NXPE3: variants seen among roughly 807,000 people sequenced by gnomAD.
The protein encoded by NXPE3 is NXPE family member 3.
A neutral mutation model predicts 46.1 loss-of-function variants in NXPE3; 26 were observed. That is an observed-to-expected ratio of 0.56 (90% CI 0.41 to 0.78). NXPE3 has a LOEUF of 0.78. Among genes scored for constraint, NXPE3 ranks in the 30% least tolerant of loss-of-function variants. NXPE3 has a pLI of 0.00. For missense variants in NXPE3, 620 were observed against 686.0 expected (o/e 0.90, Z 1.07); for synonymous variants, 272 against 257.9 (o/e 1.05, Z -0.52).
intron 4 of NXPE3, among the ~76,000 whole-genome samples, chr3:101,799,723 C>T (rs1941033171): frequency 6.6e-6 from 1 of 152,150 alleles, no homozygotes; most frequent in Admixed American, 6.6e-5. Flanking sequence ...CGCATCTGGC[C>T]TACTTCATTC....
At chr3:101,805,868 A>G (rs1218267829) in intron 5 of NXPE3, among the ~76,000 whole-genome samples, 1 of 152,066 alleles carries the variant, frequency 6.6e-6, no homozygotes, top group Non-Finnish European at 1.5e-5. Flanking sequence ...TTTGTAAGAA[A>G]ATTATTATTG....
chr3:101,784,311 G>A (rs145305277), intron 3 of NXPE3, among the ~76,000 whole-genome samples: 73 of 152,242 alleles, frequency 4.8e-4, no homozygotes, highest in South Asian at 3.1e-3. Flanking sequence ...AATACAAATA[G>A]AGATCAGCAG....
At chr3:101,796,366 C>A (rs1307439842) in intron 4 of NXPE3, among the ~76,000 whole-genome samples, 1 of 152,156 alleles carries the variant, frequency 6.6e-6, no homozygotes, top group East Asian at 1.9e-4. Flanking sequence ...TTGCCCTTGT[C>A]TTTAGGAAAA....
rs1471772376 is a variant in NXPE3 at position 101,828,186 on chromosome 3, T to C, written c.*6232T>C. On this transcript the variant is annotated 3_prime_UTR_variant, in exon 8 of 8. Coordinates refer to ENST00000273347, the MANE Select transcript of NXPE3 (RefSeq NM_145037.4). ...TGACTTGACTCTTCAAACACAAAGG[T>C]ATATTTTTATTATCTGATATTTTAT... is the stretch of plus-strand genomic sequence containing the variant. 6.6e-6 allele frequency: 1 copy of C among 152,234 alleles called. No homozygotes were observed. Among genetic ancestry groups the C allele is most frequent in the African/African-American group, 2.4e-5 (1 of 41,444 alleles). 9.4% of individuals were successfully genotyped at this position (152,234 alleles called of 1,614,324 possible).
intron 4 of NXPE3, among the ~76,000 whole-genome samples, chr3:101,797,006 A>C (rs1344762676): frequency 6.6e-6 from 1 of 152,124 alleles, no homozygotes; most frequent in Non-Finnish European, 1.5e-5. Flanking sequence ...CGTAAGATGT[A>C]GTTTTCTACA....
At chr3:101,814,135 C>T (rs189966868) in intron 6 of NXPE3, among the ~76,000 whole-genome samples, 7 of 152,240 alleles carry the variant, frequency 4.6e-5, no homozygotes, top group African/African-American at 1.7e-4. Flanking sequence ...CCGAGTCTAC[C>T]GAATTAACAG....
At chr3:101,798,810 C>T (rs1187101927) in intron 4 of NXPE3, among the ~76,000 whole-genome samples, 1 of 151,994 alleles carries the variant, frequency 6.6e-6, no homozygotes, top group African/African-American at 2.4e-5. Flanking sequence ...GACAGGGTTT[C>T]ACCATGTTGC....
chr3:101,801,433 G>T lies in NXPE3; in HGVS notation c.292G>T (p.Val98Leu), dbSNP rs1316726235. Reference protein sequence around the residue: ...QVPDVGPVPFVKSTDPSSSYF... With the variant: ...QVPDVGPVPFLKSTDPSSSYF... ...TCCTGATGTGGGCCCAGTCCCCTTT[G>T]TGAAGAGCACTGACCCTTCTTCCAG... The change falls in exon 5 of 8, where the codon GTG (valine) becomes TTG (leucine). Residue 98 changes from valine (V) to leucine (L), a missense_variant. By Grantham distance (32) the Val-to-Leu change is conservative. Transcript: ENST00000273347. The T allele has an allele frequency of 6.2e-7, 1 of 1,614,182 alleles. No individual in the cohort carries two copies. The highest frequency in any genetic ancestry group is 8.5e-7 in the Non-Finnish European group (1 of 1,180,022).
At chr3:101,821,329 C>T (rs1239602503) in intron 7 of NXPE3, 75 bp from the exon 8 acceptor site, 3 of 1,285,088 alleles carry the variant, frequency 2.3e-6, no homozygotes, top group Admixed American at 2.2e-5. Context: ...TATTTGAAGC[C>T]ACTTAATAAG....
rs1376998674 is a variant in NXPE3 at position 101,821,521 on chromosome 3, C to G, written c.1247C>G (p.Thr416Ser). 5 of 1,614,188 alleles carry G rather than the reference C, an allele frequency of 3.1e-6. No individual in the cohort carries two copies. In the South Asian group the frequency reaches 5.5e-5, roughly 18 times the overall value. Residue 416 changes from threonine to serine, a missense_variant, in exon 8 of 8, where the codon ACT becomes AGT. Physicochemically the swap from Thr to Ser is moderately conservative, Grantham distance 58. This residue lies in a region of NXPE3 where 511 missense variants were observed against 528.6 expected (regional missense o/e 0.97). Transcript: ENST00000273347. ...CATGGTCCACCCATCCGCTTCACGACTGTCTTTAGCAATGAGCTCCATTAT... is the reference window on the plus strand; with the variant it reads ...CATGGTCCACCCATCCGCTTCACGAGTGTCTTTAGCAATGAGCTCCATTAT... Reference protein sequence around the residue: ...RCHGPPIRFTTVFSNELHYVA... With the variant: ...RCHGPPIRFTSVFSNELHYVA...
chr3:101,789,720 T>G (rs1243821721), intron 4 of NXPE3, among the ~76,000 whole-genome samples: 1 of 152,130 alleles, frequency 6.6e-6, no homozygotes, highest in African/African-American at 2.4e-5. Flanking sequence ...GCGACAAATT[T>G]TCACTCTGTC....
chr3:101,798,766 CCACACCCAG>C (rs1216881034), intron 4 of NXPE3, among the ~76,000 whole-genome samples: 1 of 151,728 alleles, frequency 6.6e-6, no homozygotes, highest in Non-Finnish European at 1.5e-5. Flanking sequence ...GTGTGTACCA[CCACACCCAG>C]CTAAATTTTT....
At chr3:101,789,686 C>A (rs1381045879) in intron 4 of NXPE3, among the ~76,000 whole-genome samples, 2 of 151,798 alleles carry the variant, frequency 1.3e-5, no homozygotes, top group African/African-American at 4.8e-5. Flanking sequence ...TTCTTTAACC[C>A]ATGTGTTATT....
At chr3:101,785,828 G>A (rs1281862623) in intron 4 of NXPE3, 139 bp downstream of exon 4, 9 of 703,922 alleles carry the variant, frequency 1.3e-5, no homozygotes, top group South Asian at 4.8e-5. Flanking sequence ...AAGTATTTGC[G>A]TGCTCACAAT....
rs1427863954 is a variant in NXPE3, at chr3:101,821,815, CAG to C, written c.1542_1543del (p.Val516TrpfsTer24). 2.5e-6 allele frequency: 4 copies of C among 1,614,086 alleles called. No individual in the cohort carries two copies. Among genetic ancestry groups the C allele is most frequent in the African/African-American group, 1.3e-5 (1 of 74,926 alleles). On this transcript the variant is annotated frameshift_variant, in exon 8 of 8. Coordinates refer to ENST00000273347, the MANE Select transcript of NXPE3 (RefSeq NM_145037.4). LOFTEE classifies it high-confidence loss of function. ...GACACCATCCTTCGGAGGATGTTCT[CAG>C]GGGTTGGAGTATATCTCGTCGATGC...
At chr3:101,794,428 A>AT (rs1447500780) in intron 4 of NXPE3, among the ~76,000 whole-genome samples, 11 of 152,198 alleles carry the variant, frequency 7.2e-5, no homozygotes, top group African/African-American at 2.7e-4. Context: ...AGGGTAGGAC[A>AT]TTCAGGGAGT....
intron 4 of NXPE3, among the ~76,000 whole-genome samples, chr3:101,786,834 A>G (rs1940213241): frequency 6.6e-6 from 1 of 152,194 alleles, no homozygotes; most frequent in African/African-American, 2.4e-5. Flanking sequence ...ACAATTGAGT[A>G]GCATTAAGTA....
intron 4 of NXPE3, among the ~76,000 whole-genome samples, chr3:101,798,041 A>G (rs1940935528): frequency 7.9e-6 from 1 of 126,906 alleles, no homozygotes; most frequent in Non-Finnish European, 1.6e-5. Context: ...AGTCCCACCA[A>G]CAGTGTAAAA....
rs1189977499 is a variant in NXPE3 at position 101,827,811 on chromosome 3, C to T, written c.*5857C>T. Among the ~76,000 whole-genome samples the T allele has an allele frequency of 1.3e-5, 2 of 152,292 alleles. No homozygotes were observed. The highest frequency in any genetic ancestry group is 1.9e-4 in the East Asian group (1 of 5,176). ...AAAAAAAATCCACAAATCTAGGCCT[C>T]GCTGCCCCCTCCCTGCCTCCTCTGG... On this transcript the variant is annotated 3_prime_UTR_variant, in exon 8 of 8. Transcript: ENST00000273347.
Sources: allele counts gnomAD v4.1 joint callset (sites outside exome capture counted in the v4.1 genomes callset), GRCh38; gene constraint gnomAD v4.1.1; regional missense constraint gnomAD v4.1.1; transcripts MANE v1.5; gene names NCBI Gene and HGNC (gene_info 2026-07-23, HGNC 2026-07-21).